FAM114A1: variants seen among roughly 807,000 people sequenced by gnomAD.
The protein encoded by FAM114A1 is protein NOXP20.
In FAM114A1, 62 loss-of-function variants were observed where a neutral mutation model predicts 64.3. The observed-to-expected ratio is 0.96, with a 90% CI of 0.79 to 1.19. The LOEUF (loss-of-function observed/expected upper bound fraction) is 1.19, where lower values mean the gene tolerates loss of function less well. FAM114A1 is among the 50% of genes most tolerant of loss of function. The pLI, the probability that FAM114A1 is intolerant of heterozygous loss-of-function variation, is 0.00. For synonymous variants in FAM114A1, 254 were observed against 251.1 expected (o/e 1.01, Z -0.11); for missense variants, 645 against 676.3 (o/e 0.95, Z 0.51).
intron 13 of FAM114A1, among the ~76,000 whole-genome samples, 170 bp downstream of exon 13, chr4:38,935,960 T>A (rs1207801550): frequency 1.3e-5 from 2 of 152,226 alleles, no homozygotes; most frequent in Non-Finnish European, 2.9e-5. Context: ...AGCTTAGGAC[T>A]CTCCTGACTG....
At chr4:38,884,696 T>G (rs577746637) in intron 3 of FAM114A1, among the ~76,000 whole-genome samples, 1 of 152,336 alleles carries the variant, frequency 6.6e-6, no homozygotes, top group African/African-American at 2.4e-5. Context: ...GTATGAGAAC[T>G]CTTTCTCATG....
At chr4:38,920,674 G>T (rs1579378560) in intron 8 of FAM114A1, among the ~76,000 whole-genome samples, 1 of 152,196 alleles carries the variant, frequency 6.6e-6, no homozygotes, top group East Asian at 1.9e-4. Context: ...TTTTCACTAA[G>T]CATGGTATTC....
intron 2 of FAM114A1, among the ~76,000 whole-genome samples, chr4:38,868,780 T>C (rs1560279623): frequency 6.6e-6 from 1 of 152,192 alleles, no homozygotes; most frequent in Non-Finnish European, 1.5e-5. Context: ...GGCTCTATCC[T>C]CAGAGCCTCT....
chr4:38,917,420 C>G (rs1719174947), intron 8 of FAM114A1, among the ~76,000 whole-genome samples: 1 of 151,686 alleles, frequency 6.6e-6, no homozygotes, highest in Admixed American at 6.6e-5. Flanking sequence ...ACCCCCTTAC[C>G]TCAATCTCCT....
chr4:38,911,583 C>T (rs1481161303), intron 7 of FAM114A1, among the ~76,000 whole-genome samples: 3 of 152,084 alleles, frequency 2.0e-5, no homozygotes, highest in Non-Finnish European at 2.9e-5. Flanking sequence ...CTGATTCTGG[C>T]TATAATTTGA....
chr4:38,889,497 T>C (rs963645971), intron 3 of FAM114A1, among the ~76,000 whole-genome samples: 1 of 152,254 alleles, frequency 6.6e-6, no homozygotes. Context: ...GAGTACTTCT[T>C]ATATGCCAGG....
intron 2 of FAM114A1, among the ~76,000 whole-genome samples, chr4:38,872,677 T>C (rs368189321): frequency 2.3e-3 from 347 of 152,336 alleles, no homozygotes; most frequent in African/African-American, 7.7e-3. Flanking sequence ...GGGAAATCTT[T>C]AGGCCATGGC....
intron 9 of FAM114A1, among the ~76,000 whole-genome samples, chr4:38,927,206 AG>A (rs1720200837): frequency 6.6e-6 from 1 of 152,188 alleles, no homozygotes. Flanking sequence ...CTTCTTAGTT[AG>A]CTTCCCTCCT....
rs138838144 is a variant in FAM114A1, at chr4:38,897,848, C to T, written c.436+6018C>T. On this transcript the variant is annotated intron_variant, in intron 4 of 14. Coordinates refer to ENST00000358869, the MANE Select transcript of FAM114A1 (RefSeq NM_138389.4). Reference sequence around the variant, plus strand: ...TGTAGTACCAGCTGCTTGGAGGCTGCGACAGAAGAATCGCTTGAGCCTGGG... The same window carrying T: ...TGTAGTACCAGCTGCTTGGAGGCTGTGACAGAAGAATCGCTTGAGCCTGGG... Among the ~76,000 whole-genome samples the T allele has an allele frequency of 1.6e-3, 237 of 150,720 alleles. 2 individuals carry two copies. In the South Asian group the frequency reaches 0.025, roughly 16 times the overall value.
In FAM114A1 at chr4:38,945,427, T is replaced by C. The variant is rs1396376915; in HGVS notation, c.*1870T>C. ...CACCTGCTTCACAGCCCCATGGACATCCCTACAGGTACTGTCATGTGAAGC... is the reference window on the plus strand; with the variant it reads ...CACCTGCTTCACAGCCCCATGGACACCCCTACAGGTACTGTCATGTGAAGC... On this transcript the variant is annotated 3_prime_UTR_variant, in exon 15 of 15. Transcript: ENST00000358869. The C allele has an allele frequency of 7.2e-5, 11 of 152,200 alleles. No homozygotes were observed. Among genetic ancestry groups the C allele is most frequent in the Admixed American group, 7.2e-4 (11 of 15,280 alleles). The allele number at this position is 152,200 out of a possible 1,614,324, so 9.4% of individuals were successfully genotyped here.
At chr4:38,895,108 C>T (rs1408183064) in intron 4 of FAM114A1, among the ~76,000 whole-genome samples, 1 of 152,194 alleles carries the variant, frequency 6.6e-6, no homozygotes, top group Non-Finnish European at 1.5e-5. Context: ...TTTAAAGTCT[C>T]TGGAGGATAG....
chr4:38,868,921 G>A, intron 2 of FAM114A1, among the ~76,000 whole-genome samples: 1 of 152,200 alleles, frequency 6.6e-6, no homozygotes, highest in East Asian at 1.9e-4. Flanking sequence ...TAACCTTTAA[G>A]TGAAGGAATG....
Position 38,931,473 on chromosome 4 carries a change from G to A in FAM114A1, c.1184G>A (p.Trp395Ter). 2.5e-6 allele frequency: 4 copies of A among 1,613,782 alleles called. No homozygotes were observed. The highest frequency in any genetic ancestry group is 3.4e-6 in the Non-Finnish European group (4 of 1,179,916). ...LNKAMKRAHD[W>*]VEEDQTVVSV... ...CAGGCCATGAAGAGGGCTCATGACT[G>A]GGTGGAAGAGGATCAAACCGTGGTG... is the stretch of plus-strand genomic sequence containing the variant. The change falls in exon 11 of 15, where the codon TGG becomes TAG. Residue 395 changes from tryptophan to a stop codon, truncating the protein, a stop_gained. Transcript: ENST00000358869. LOFTEE classifies it high-confidence loss of function.
intron 10 of FAM114A1, among the ~76,000 whole-genome samples, 162 bp downstream of exon 10, chr4:38,929,495 G>A (rs577369546): frequency 5.9e-5 from 9 of 152,274 alleles, no homozygotes; most frequent in African/African-American, 2.2e-4. Flanking sequence ...GATTTGAGGA[G>A]GGGCTGGGCA....
intron 3 of FAM114A1, among the ~76,000 whole-genome samples, chr4:38,887,294 G>A (rs1715915081): frequency 6.6e-6 from 1 of 152,220 alleles, no homozygotes; most frequent in South Asian, 2.1e-4. Context: ...AAATCTCACT[G>A]TTTAGAAGTC....
rs185804954 is a variant in FAM114A1, at chr4:38,882,108, C to G, written c.348+3682C>G. On this transcript the variant is annotated intron_variant, in intron 3 of 14. Transcript: ENST00000358869. ...CGGGTGGATCATGAGGTCAGGAGATCGAGACCATCCTGGCTAACAAGGTGA... is the reference window on the plus strand; with the variant it reads ...CGGGTGGATCATGAGGTCAGGAGATGGAGACCATCCTGGCTAACAAGGTGA... Among the ~76,000 whole-genome samples the G allele has an allele frequency of 1.4e-4, 21 of 149,862 alleles. No homozygotes were observed. In the South Asian group the frequency reaches 2.1e-3, roughly 15 times the overall value.
chr4:38,879,470 A>T (rs1221912490), intron 3 of FAM114A1, among the ~76,000 whole-genome samples: 2 of 152,316 alleles, frequency 1.3e-5, no homozygotes, highest in East Asian at 3.9e-4. Context: ...TGAAGTGAAG[A>T]ATTCTCACAT....
chr4:38,931,430 T>G, intron 10 of FAM114A1, 21 bp from the exon 11 acceptor site: 2 of 1,583,400 alleles, frequency 1.3e-6, no homozygotes, highest in Non-Finnish European at 1.7e-6. Flanking sequence ...AAAAGGATTG[T>G]TTGGTTGGGG....
intron 7 of FAM114A1, among the ~76,000 whole-genome samples, chr4:38,911,542 G>A (rs1718530011): frequency 6.6e-6 from 1 of 152,200 alleles, no homozygotes; most frequent in South Asian, 2.1e-4. Flanking sequence ...GCCCTGTGCA[G>A]CATGGAGGCC....
Sources: allele counts gnomAD v4.1 joint callset (sites outside exome capture counted in the v4.1 genomes callset), GRCh38; gene constraint gnomAD v4.1.1; transcripts MANE v1.5; gene names NCBI Gene and HGNC (gene_info 2026-07-23, HGNC 2026-07-21).